The following KLRG1 variants were observed in gnomAD, a reference collection of about 807,000 sequenced individuals.
KLRG1 encodes the protein killer cell lectin-like receptor subfamily G member 1.
KLRG1 carries 16 observed loss-of-function variants against 21.8 expected under a neutral mutation model. The observed-to-expected ratio is 0.73, with a 90% CI of 0.50 to 1.11. The LOEUF (loss-of-function observed/expected upper bound fraction) is 1.11. KLRG1 is among the 50% of genes most tolerant of loss of function. The pLI, the probability that KLRG1 is intolerant of heterozygous loss-of-function variation, is 0.00. For missense variants in KLRG1, 173 were observed against 218.3 expected, an observed-to-expected ratio of 0.79 and a Z score of 1.31; for synonymous variants, 69 against 75.9, an observed-to-expected ratio of 0.91 and a Z score of 0.47.
chr12:9,169,385 C>G, the KLRG1 span: 1 of 1,485,524 alleles, frequency 6.7e-7, no homozygotes, highest in Non-Finnish European at 9.1e-7. Flanking sequence ...TATTAACATT[C>G]AAAAACTCAC....
the KLRG1 span, among the ~76,000 whole-genome samples, chr12:9,097,557 C>T: frequency 7.9e-5 from 12 of 151,972 alleles, no homozygotes; most frequent in Non-Finnish European, 1.6e-4. Context: ...AAGTTTTGTT[C>T]CTCAGAGATA....
At chr12:9,201,173 A>G in the KLRG1 span, 6 of 1,419,832 alleles carry the variant, frequency 4.2e-6, no homozygotes, top group Non-Finnish European at 5.8e-6. Context: ...ACAAATACAG[A>G]AGGAAGAGAA....
At chr12:9,123,735 TTC>T in the KLRG1 span, among the ~76,000 whole-genome samples, 1 of 152,250 alleles carries the variant, frequency 6.6e-6, no homozygotes, top group Non-Finnish European at 1.5e-5. Flanking sequence ...TTGACTACAT[TTC>T]TAGTTTCAGT....
the KLRG1 span, chr12:9,181,936 T>C: frequency 2.5e-6 from 4 of 1,600,998 alleles, no homozygotes; most frequent in Non-Finnish European, 2.6e-6. Context: ...TACAGTATCA[T>C]TTATTTGTGT....
the KLRG1 span, chr12:9,055,668 G>A: frequency 6.6e-6 from 1 of 152,608 alleles, no homozygotes; most frequent in Admixed American, 6.5e-5. Context: ...CTTTTAAAAA[G>A]TCGTGGGTCT....
At chr12:9,116,676 A>T in the KLRG1 span, among the ~76,000 whole-genome samples, 1 of 152,134 alleles carries the variant, frequency 6.6e-6, no homozygotes, top group Non-Finnish European at 1.5e-5. Context: ...CCATCCACCC[A>T]TGCATTTATT....
At chr12:8,999,051 T>C (rs891067715) in intron 3 of KLRG1, among the ~76,000 whole-genome samples, 2 of 152,094 alleles carry the variant, frequency 1.3e-5, no homozygotes, top group African/African-American at 4.8e-5. Context: ...CTTTTTTTTT[T>C]CTATCTGGGA....
chr12:8,982,055 C>T (rs1405908453), intron 1 of KLRG1, among the ~76,000 whole-genome samples: 1 of 152,170 alleles, frequency 6.6e-6, no homozygotes, highest in Non-Finnish European at 1.5e-5. Flanking sequence ...TAATGTCTCT[C>T]CCCACCTCAA....
the KLRG1 span, among the ~76,000 whole-genome samples, chr12:9,183,979 C>G: frequency 1.3e-5 from 2 of 152,242 alleles, no homozygotes; most frequent in East Asian, 3.9e-4. Context: ...AGCTCCCCTT[C>G]TAAAAGGAAG....
downstream of KLRG1, among the ~76,000 whole-genome samples, chr12:9,015,402 A>C (rs1947685781): frequency 6.6e-6 from 1 of 152,212 alleles, no homozygotes; most frequent in Admixed American, 6.5e-5. Flanking sequence ...AAATTATAAA[A>C]AGAGACAAGG....
rs762500553 is a variant in KLRG1 at position 8,965,933 on chromosome 12, A to T, written c.-156+15697A>T. On this transcript the variant is annotated intron_variant, in intron 1 of 4. Transcript: ENST00000539240. ...GGAGGCATCACGCTACCTGAATTCA[A>T]ACTGTACTACAAGGCTACAGTAACC... is the stretch of plus-strand genomic sequence containing the variant. 3.9e-5 allele frequency among the ~76,000 whole-genome samples: 6 copies of T among 152,340 alleles called. No homozygotes were observed. In the South Asian group the frequency reaches 8.3e-4, roughly 21 times the overall value.
At chr12:8,997,281 A>T (rs955149113) in intron 3 of KLRG1, among the ~76,000 whole-genome samples, 6 of 152,214 alleles carry the variant, frequency 3.9e-5, no homozygotes, top group Non-Finnish European at 8.8e-5. Context: ...TACTTTTAAC[A>T]TTCCTGTGGA....
At chr12:8,971,007 T>A (rs1055785091) in intron 1 of KLRG1, 1 of 152,188 alleles carries the variant, frequency 6.6e-6, no homozygotes. Context: ...GATATTTTGT[T>A]AAAGATTTTC....
chr12:9,007,870 C>G (rs1947517863), intron 3 of KLRG1, among the ~76,000 whole-genome samples: 1 of 152,178 alleles, frequency 6.6e-6, no homozygotes, highest in Non-Finnish European at 1.5e-5. Context: ...TACACCAACA[C>G]TAAATCCTAC....
At chr12:9,094,967 G>T in the KLRG1 span, 4 of 1,446,730 alleles carry the variant, frequency 2.8e-6, no homozygotes, top group South Asian at 1.5e-5. Flanking sequence ...TTAATTTTTT[G>T]TTTACCATAA....
chr12:9,131,054 G>C, the KLRG1 span, among the ~76,000 whole-genome samples: 4 of 152,172 alleles, frequency 2.6e-5, no homozygotes, highest in African/African-American at 9.7e-5. Context: ...TTTTCTCAAT[G>C]AGTGGTCTTG....
At chr12:9,152,436 G>A in the KLRG1 span, 5 of 706,620 alleles carry the variant, frequency 7.1e-6, no homozygotes, top group Admixed American at 6.9e-5. Context: ...ACAAAGGTCT[G>A]TGTTCCCTGG....
the KLRG1 span, among the ~76,000 whole-genome samples, chr12:9,096,217 C>A: frequency 3.3e-5 from 5 of 152,098 alleles, no homozygotes; most frequent in Admixed American, 1.3e-4. Context: ...TTAGGAAAAA[C>A]CAAACACTCC....
the KLRG1 span, chr12:9,079,589 A>G: frequency 1.3e-6 from 2 of 1,538,180 alleles, no homozygotes; most frequent in South Asian, 1.2e-5. Context: ...CTACTGGGAA[A>G]TCCAGTTGAA....
Sources: allele counts gnomAD v4.1 joint callset (sites outside exome capture counted in the v4.1 genomes callset), GRCh38; gene constraint gnomAD v4.1.1; transcripts MANE v1.5; gene names NCBI Gene and HGNC (gene_info 2026-07-23, HGNC 2026-07-21).